LANCL3: variants seen among roughly 807,000 people sequenced by gnomAD.
LANCL3 encodes the protein lanC-like protein 3.
In LANCL3, 19 loss-of-function variants were observed where a neutral mutation model predicts 26.5. That is an observed-to-expected ratio of 0.72 (90% CI 0.50 to 1.05). The LOEUF (loss-of-function observed/expected upper bound fraction) is 1.05, where lower values mean the gene tolerates loss of function less well. LANCL3 is among the 50% of genes least tolerant of loss of function. The pLI is 0.00. For missense variants in LANCL3, 318 were observed against 362.7 expected (o/e 0.88, Z 1.00); for synonymous variants, 160 against 166.6 (o/e 0.96, Z 0.30).
intron 4 of LANCL3, among the ~76,000 whole-genome samples, chrX:37,674,689 A>T (rs979365651): frequency 1.8e-5 from 2 of 111,937 alleles, no homozygotes; most frequent in African/African-American, 3.2e-5. Flanking sequence ...ATATAATTAC[A>T]ATCTGTTTTC....
rs1296179940 is a variant in LANCL3 at position 37,677,134 on chromosome X, TA to T, written c.*1322del. On this transcript the variant is annotated 3_prime_UTR_variant, in exon 5 of 5. Coordinates refer to ENST00000378619, the MANE Select transcript of LANCL3 (RefSeq NM_001170331.2). ...TAAATAGTCATTAAATATTTGGATA[TA>T]TTATGTGTGTGTGTGTGTGTGTGTG... The T allele has an allele frequency of 1.3e-5, 1 of 77,536 alleles. No individual in the cohort carries two copies. Among genetic ancestry groups the T allele is most frequent in the Non-Finnish European group, 2.2e-5 (1 of 44,839 alleles). 6.4% of individuals were successfully genotyped at this position (77,536 alleles called of 1,213,427 possible). A position where few individuals can be genotyped will look rare whatever the true frequency, so the allele number is the denominator to read the frequency against.
At chrX:37,675,630 G>C in intron 4 of LANCL3, 24 bp from the exon 5 acceptor site, 2 of 1,052,357 alleles carry the variant, frequency 1.9e-6, no homozygotes, top group African/African-American at 1.9e-5. Flanking sequence ...ATGTTAAACT[G>C]TTCATATTTT....
chrX:37,592,615 A>G (rs1197337371), intron 1 of LANCL3, among the ~76,000 whole-genome samples: 1 of 111,698 alleles, frequency 9.0e-6, no homozygotes, highest in Non-Finnish European at 1.9e-5. Flanking sequence ...TCTTAGAAAT[A>G]AAAAAAAGAT....
At chrX:37,585,421 G>A (rs1396871707) in intron 1 of LANCL3, among the ~76,000 whole-genome samples, 1 of 111,478 alleles carries the variant, frequency 9.0e-6, no homozygotes, top group Non-Finnish European at 1.9e-5. Context: ...TTATTATTGT[G>A]TGGGAGTCTA....
intron 1 of LANCL3, among the ~76,000 whole-genome samples, chrX:37,645,651 G>T (rs782559699): frequency 9.8e-5 from 11 of 112,016 alleles, no homozygotes; most frequent in Non-Finnish European, 1.9e-4. Flanking sequence ...CTTGAATGTC[G>T]TTGGGAACTT....
intron 1 of LANCL3, among the ~76,000 whole-genome samples, chrX:37,574,946 G>C (rs1215946607): frequency 9.3e-6 from 1 of 107,350 alleles, no homozygotes; most frequent in African/African-American, 3.4e-5. Flanking sequence ...TTTTTTTTGA[G>C]ACAGAGTCTC....
intron 1 of LANCL3, among the ~76,000 whole-genome samples, chrX:37,655,244 T>C (rs1439406193): frequency 8.0e-5 from 9 of 112,218 alleles, no homozygotes; most frequent in Non-Finnish European, 1.7e-4. Context: ...ATAAGTACAG[T>C]CTTTATAAGC....
rs192931477 is a variant in LANCL3 at position 37,617,281 on chromosome X, A to G, written c.574-38407A>G. The stretch of plus-strand genomic sequence containing the variant: ...AAACCTGACTGAGAGTGATTTAAAG[A>G]AGAAGGGTTTTTGTTTCTCACATAA... On this transcript the variant is annotated intron_variant, in intron 1 of 4. Coordinates refer to ENST00000378619, the MANE Select transcript of LANCL3 (RefSeq NM_001170331.2). Among the ~76,000 whole-genome samples, 13 of 111,176 alleles carry G rather than the reference A, an allele frequency of 1.2e-4. No individual in the cohort carries two copies. In the East Asian group the frequency reaches 3.4e-3, roughly 29 times the overall value.
rs540973581 is a variant in LANCL3, at chrX:37,599,267, G to A, written c.573+26824G>A. Among the ~76,000 whole-genome samples, 11 of 112,135 alleles carry A rather than the reference G, an allele frequency of 9.8e-5. No individual in the cohort carries two copies. In the South Asian group the frequency reaches 3.0e-3, roughly 30 times the overall value. The stretch of plus-strand genomic sequence containing the variant: ...TTTGTGAAAATATCAGTCCATTATG[G>A]ATTAGACATTTAAATAAAAACAAGA... On this transcript the variant is annotated intron_variant, in intron 1 of 4. Coordinates refer to ENST00000378619, the MANE Select transcript of LANCL3 (RefSeq NM_001170331.2).
chrX:37,639,788 T>C (rs1472208627), intron 1 of LANCL3, among the ~76,000 whole-genome samples: 1 of 110,526 alleles, frequency 9.0e-6, no homozygotes, highest in African/African-American at 3.3e-5. Flanking sequence ...TCTCTCTTAC[T>C]TCCCCCAAAG....
chrX:37,587,442 A>G (rs1283869474), intron 1 of LANCL3, among the ~76,000 whole-genome samples: 1 of 112,655 alleles, frequency 8.9e-6, no homozygotes, highest in African/African-American at 3.2e-5. Flanking sequence ...GGTGGGCTCC[A>G]CCCAGTTTGA....
At chrX:37,603,357 C>G (rs1021888595) in intron 1 of LANCL3, among the ~76,000 whole-genome samples, 1 of 111,830 alleles carries the variant, frequency 8.9e-6, no homozygotes, top group Non-Finnish European at 1.9e-5. Context: ...ATTCTAACTT[C>G]CCATTGGTTC....
intron 1 of LANCL3, among the ~76,000 whole-genome samples, chrX:37,574,985 G>A (rs1923709711): frequency 9.2e-6 from 1 of 108,816 alleles, no homozygotes; most frequent in South Asian, 4.0e-4. Context: ...GAGTGCAGTG[G>A]TGCAACCATG....
intron 1 of LANCL3, among the ~76,000 whole-genome samples, chrX:37,581,773 T>C (rs1556417073): frequency 8.9e-6 from 1 of 112,157 alleles, no homozygotes; most frequent in Non-Finnish European, 1.9e-5. Flanking sequence ...CCCGAACTTA[T>C]TATTTGTATT....
intron 1 of LANCL3, among the ~76,000 whole-genome samples, chrX:37,654,666 G>A (rs1041749424): frequency 5.4e-5 from 6 of 111,460 alleles, no homozygotes; most frequent in African/African-American, 2.0e-4. Context: ...AAGAATGAAG[G>A]GAGGGAGGGC....
At position 37,677,371 on chromosome X, in the gene LANCL3, T is replaced by C. The variant is rs1311634811; in HGVS notation, c.*1558T>C. On this transcript the variant is annotated 3_prime_UTR_variant, in exon 5 of 5. Transcript: ENST00000378619. ...TGTGCTCATTTTGAGGGGACAAGGA[T>C]CTCTAGCATTCATAACATTCTCAAA... The C allele has an allele frequency of 3.6e-5, 4 of 111,428 alleles. No individual in the cohort carries two copies. The highest frequency in any genetic ancestry group is 3.8e-5 in the Non-Finnish European group (2 of 53,000). 9.2% of individuals were successfully genotyped at this position (111,428 alleles called of 1,213,427 possible).
In LANCL3 at chrX:37,679,169, T is replaced by C. The variant is rs1556438197; in HGVS notation, c.*3356T>C. On this transcript the variant is annotated 3_prime_UTR_variant, in exon 5 of 5. Coordinates refer to ENST00000378619, the MANE Select transcript of LANCL3 (RefSeq NM_001170331.2). ...GATAAAATGGATATAAGTGAGTTTTTTAATGTGCAGATCCTTTATATATTT... is the reference window on the plus strand; with the variant it reads ...GATAAAATGGATATAAGTGAGTTTTCTAATGTGCAGATCCTTTATATATTT... 2 of 111,915 alleles carry C rather than the reference T, an allele frequency of 1.8e-5. No homozygotes were observed. The highest frequency in any genetic ancestry group is 3.8e-5 in the Non-Finnish European group (2 of 53,153). 9.2% of individuals were successfully genotyped at this position (111,915 alleles called of 1,213,427 possible). A position where few individuals can be genotyped will look rare whatever the true frequency, so the allele number is the denominator to read the frequency against.
At chrX:37,628,011 G>A (rs1269298893) in intron 1 of LANCL3, among the ~76,000 whole-genome samples, 1 of 111,986 alleles carries the variant, frequency 8.9e-6, no homozygotes, top group Non-Finnish European at 1.9e-5. Context: ...GACCTTCCCA[G>A]CTTGAATGTA....
intron 4 of LANCL3, among the ~76,000 whole-genome samples, chrX:37,674,336 A>T (rs1446008989): frequency 1.8e-5 from 2 of 112,284 alleles, no homozygotes; most frequent in African/African-American, 3.2e-5. Flanking sequence ...TCTTAATTTT[A>T]CAATATGCAG....
Sources: allele counts gnomAD v4.1 joint callset (sites outside exome capture counted in the v4.1 genomes callset), GRCh38; gene constraint gnomAD v4.1.1; transcripts MANE v1.5; gene names NCBI Gene and HGNC (gene_info 2026-07-23, HGNC 2026-07-21).